The following ZNF333 variants were observed in gnomAD, a reference collection of about 807,000 sequenced individuals.
ZNF333 encodes the protein zinc finger protein 333.
Under a neutral mutation model 76.1 loss-of-function variants are expected in ZNF333, and 61 were observed. The observed-to-expected ratio is 0.80, with a 90% CI of 0.65 to 0.99. ZNF333 has a LOEUF of 0.99. Ranked by LOEUF, ZNF333 falls within the 50% of genes least tolerant of loss-of-function variation. ZNF333 has a pLI of 0.00. For missense variants in ZNF333, 717 were observed against 822.4 expected, an observed-to-expected ratio of 0.87 and a Z score of 1.57; for synonymous variants, 284 against 305.0, an observed-to-expected ratio of 0.93 and a Z score of 0.72.
intron 5 of ZNF333, among the ~76,000 whole-genome samples, chr19:14,702,572 C>T (rs1025393670): frequency 2.0e-5 from 3 of 152,160 alleles, no homozygotes; most frequent in Admixed American, 2.0e-4. Flanking sequence ...CAGGCCTCTC[C>T]AGGCTCAGCC....
At chr19:14,705,550 G>C (rs2042084672) in intron 6 of ZNF333, among the ~76,000 whole-genome samples, 1 of 152,206 alleles carries the variant, frequency 6.6e-6, no homozygotes. Context: ...GGGAAGTGAG[G>C]ACCTCTTGGC....
At position 14,695,151 on chromosome 19, in the gene ZNF333, T is replaced by C; in HGVS notation, c.127+18T>C. 6.2e-7 allele frequency: 1 copy of C among 1,611,434 alleles called. No individual in the cohort carries two copies. The highest frequency in any genetic ancestry group is 8.5e-7 in the Non-Finnish European group (1 of 1,178,232). On this transcript the variant is annotated intron_variant, in intron 3 of 11. Coordinates refer to ENST00000292530, the MANE Select transcript of ZNF333 (RefSeq NM_032433.4). ...CTCCAGGGGTAAGGCTGGCGTCACC[T>C]GGCTCCTTCCTGTACGCAGGCACTA...
chr19:14,703,060 C>T (rs1034188142), intron 5 of ZNF333, among the ~76,000 whole-genome samples: 10 of 151,868 alleles, frequency 6.6e-5, no homozygotes, highest in Non-Finnish European at 8.8e-5. Context: ...AAAAATTAGC[C>T]GGGCGTGGTG....
At position 14,719,581 on chromosome 19, in the gene ZNF333, A is replaced by G; in HGVS notation, c.*256A>G. 1 of 1,099,964 alleles carries G rather than the reference A, an allele frequency of 9.1e-7. No homozygotes were observed. The highest frequency in any genetic ancestry group is 1.2e-6 in the Non-Finnish European group (1 of 859,800). The allele number at this position is 1,099,964 out of a possible 1,614,324, so 68.1% of individuals were successfully genotyped here. A position where few individuals can be genotyped will look rare whatever the true frequency, so the allele number is the denominator to read the frequency against. On this transcript the variant is annotated 3_prime_UTR_variant, in exon 12 of 12. Transcript: ENST00000292530. ...GCATACATCTGAAGTGTACAGTTGGATGAGTTTGACAGATGCATACATGCA... is the reference window on the plus strand; with the variant it reads ...GCATACATCTGAAGTGTACAGTTGGGTGAGTTTGACAGATGCATACATGCA...
intron 5 of ZNF333, among the ~76,000 whole-genome samples, chr19:14,704,399 T>G (rs1229761526): frequency 2.0e-5 from 3 of 152,172 alleles, no homozygotes; most frequent in Non-Finnish European, 2.9e-5. Flanking sequence ...ATTCTCATGC[T>G]TCAGCCTCCT....
intron 11 of ZNF333, among the ~76,000 whole-genome samples, chr19:14,729,946 G>A (rs963437794): frequency 6.6e-6 from 1 of 152,180 alleles, no homozygotes; most frequent in South Asian, 2.1e-4. Context: ...ACTGGAAAGG[G>A]CAGAAATCCT....
chr19:14,695,010 G>A lies in ZNF333; in HGVS notation c.4G>A (p.Glu2Lys), dbSNP rs1021620726. The change falls in exon 3 of 12, where the codon GAA (glutamate) becomes AAA (lysine). Residue 2 changes from glutamate to lysine, a missense_variant and splice_region_variant. Glu to Lys is a moderately conservative substitution (Grantham distance 56). Transcript: ENST00000292530. M[E>K]SVTFEDVAVE... ...AGCCAGAATGTGTGTGCTGTTTTAG[G>A]AATCCGTCACCTTTGAGGATGTGGC... 4.3e-5 allele frequency: 69 copies of A among 1,614,042 alleles called. No individual in the cohort carries two copies. The highest frequency in any genetic ancestry group is 5.7e-5 in the Non-Finnish European group (67 of 1,180,036).
intron 11 of ZNF333, among the ~76,000 whole-genome samples, chr19:14,730,430 T>TCCTTCCTTCTTTCCTTCCTC (rs2042660112): frequency 1.3e-5 from 2 of 151,328 alleles, no homozygotes; most frequent in African/African-American, 4.8e-5. Context: ...AGTCTGTCCT[T>TCCTTCCTTCTTTCCTTCCTC]CCTTCCTTCT....
At chr19:14,724,376 C>T (rs1333875461), downstream of ZNF333, among the ~76,000 whole-genome samples, 1 of 152,214 alleles carries the variant, frequency 6.6e-6, no homozygotes, top group African/African-American at 2.4e-5. Context: ...GGTTATAACA[C>T]TGGCAACCTG....
intron 11 of ZNF333, among the ~76,000 whole-genome samples, chr19:14,728,741 G>A (rs1045153498): frequency 5.3e-5 from 8 of 152,182 alleles, no homozygotes; most frequent in African/African-American, 1.9e-4. Context: ...ATAAATGCTG[G>A]GTGCTGCAAA....
intron 11 of ZNF333, among the ~76,000 whole-genome samples, chr19:14,730,477 C>A (rs968612739): frequency 6.1e-4 from 55 of 89,518 alleles, no homozygotes; most frequent in Non-Finnish European, 1.1e-3. Flanking sequence ...TCACTTTTTT[C>A]TTTTTCTTTC....
At position 14,718,459 on chromosome 19, in the gene ZNF333, A is replaced by G. The variant is rs1490655746; in HGVS notation, c.1132A>G (p.Ser378Gly). 1 of 1,614,142 alleles carries G rather than the reference A, an allele frequency of 6.2e-7. No individual in the cohort carries two copies. The highest frequency in any genetic ancestry group is 8.5e-7 in the Non-Finnish European group (1 of 1,180,060). The change falls in exon 12 of 12, where the codon AGC (serine) becomes GGC (glycine). Residue 378 changes from serine to glycine, a missense_variant. Ser to Gly is a moderately conservative substitution (Grantham distance 56). Coordinates refer to ENST00000292530, the MANE Select transcript of ZNF333 (RefSeq NM_032433.4). The stretch of plus-strand genomic sequence containing the variant: ...CAAATGTGAAAAATCCTTCAGATAC[A>G]GCTCTGACCTTATCAGGCATGAGAA... The part of the protein sequence containing the change: ...CNKCEKSFRY[S>G]SDLIRHEKTH...
chr19:14,719,781 T>C lies in ZNF333; in HGVS notation c.*456T>C. 10 of 989,124 alleles carry C rather than the reference T, an allele frequency of 1.0e-5. No individual in the cohort carries two copies. Among genetic ancestry groups the C allele is most frequent in the Non-Finnish European group, 1.2e-5 (10 of 832,566 alleles). 61.3% of individuals were successfully genotyped at this position (989,124 alleles called of 1,614,324 possible). The stretch of plus-strand genomic sequence containing the variant: ...GTCATAGGTATTTGCTGAGATTTGC[T>C]ATTAGGTCTGGTGTGGCTTATTCTT... On this transcript the variant is annotated 3_prime_UTR_variant, in exon 12 of 12. Transcript: ENST00000292530.
chr19:14,731,385 T>C (rs918241364), exon 12 of ZNF333: 2 of 598,656 alleles, frequency 3.3e-6, no homozygotes, highest in African/African-American at 3.7e-5. Flanking sequence ...TCCGGGAGCT[T>C]AGTCACATAC....
intron 4 of ZNF333, among the ~76,000 whole-genome samples, chr19:14,698,935 T>TATATAGATATATATAC (rs1180611568): frequency 1.0e-4 from 14 of 139,324 alleles, no homozygotes; most frequent in Non-Finnish European, 1.4e-4. Flanking sequence ...TATATATATA[T>TATATAGATATATATAC]ACACACATAT....
chr19:14,728,216 A>G (rs1024143243), intron 11 of ZNF333, among the ~76,000 whole-genome samples: 1 of 152,226 alleles, frequency 6.6e-6, no homozygotes, highest in African/African-American at 2.4e-5. Context: ...CCGTCTCAAA[A>G]AAAAATTTTT....
chr19:14,697,437 C>T (rs1343192471), intron 4 of ZNF333, among the ~76,000 whole-genome samples: 1 of 144,320 alleles, frequency 6.9e-6, no homozygotes, highest in Admixed American at 7.2e-5. Context: ...TCATAGGTCA[C>T]TGCAGCCTCA....
At chr19:14,704,841 G>A (rs1047319861) in intron 5 of ZNF333, among the ~76,000 whole-genome samples, 1 of 152,200 alleles carries the variant, frequency 6.6e-6, no homozygotes, top group East Asian at 1.9e-4. Context: ...ATGGGGCTTC[G>A]CCATGTTGGC....
chr19:14,715,891 T>G (rs577076727), intron 8 of ZNF333, among the ~76,000 whole-genome samples: 2 of 152,142 alleles, frequency 1.3e-5, no homozygotes, highest in Admixed American at 6.5e-5. Flanking sequence ...CTTGCAACAT[T>G]AGTTATTGCC....
Sources: allele counts gnomAD v4.1 joint callset (sites outside exome capture counted in the v4.1 genomes callset), GRCh38; gene constraint gnomAD v4.1.1; transcripts MANE v1.5; gene names NCBI Gene and HGNC (gene_info 2026-07-23, HGNC 2026-07-21).